The following ZNF521 variants were observed in gnomAD, a reference collection of about 807,000 sequenced individuals.
The protein encoded by ZNF521 is zinc finger protein 521.
A neutral mutation model predicts 105.5 loss-of-function variants in ZNF521; 14 were observed. The ratio of observed to expected loss-of-function variants is 0.13; its 90% CI spans 0.09 to 0.21. The LOEUF is 0.21. Ranked by LOEUF, ZNF521 falls within the 10% of genes least tolerant of loss-of-function variation. The pLI is 1.00. For synonymous variants in ZNF521, 635 were observed against 606.0 expected (o/e 1.05, Z -0.70); for missense variants, 1,233 against 1,629.7 (o/e 0.76, Z 4.19).
rs117660403 is a variant in ZNF521 at position 25,278,380 on chromosome 18, C to T, written c.220+43628G>A. Among the ~76,000 whole-genome samples the T allele has an allele frequency of 6.6e-3, 1,009 of 152,338 alleles. 10 individuals carry two copies. Among genetic ancestry groups the T allele is most frequent in the Middle Eastern group, 0.01 (3 of 294 alleles). ...GATTCAAGTAAAGTTAACCCCCACT[C>T]TCTACCCACTTTTCCCTTTTGGGTC... On this transcript the variant is annotated intron_variant, in intron 3 of 7. Transcript: ENST00000361524.
At chr18:25,074,054 A>ACGCGTGCACG (rs1555631257) in intron 7 of ZNF521, among the ~76,000 whole-genome samples, 1 of 144,822 alleles carries the variant, frequency 6.9e-6, no homozygotes, top group Non-Finnish European at 1.5e-5. Context: ...GTCTGTGCAC[A>ACGCGTGCACG]TGTGTGCGCA....
intron 7 of ZNF521, among the ~76,000 whole-genome samples, chr18:25,069,767 A>G (rs1367505953): frequency 1.3e-5 from 2 of 152,194 alleles, no homozygotes; most frequent in Admixed American, 6.5e-5. Context: ...ATAGCCAGGG[A>G]AGTTGACTCA....
intron 5 of ZNF521, among the ~76,000 whole-genome samples, chr18:25,126,181 T>C (rs1360768415): frequency 6.6e-6 from 1 of 152,066 alleles, no homozygotes; most frequent in Non-Finnish European, 1.5e-5. Context: ...CTCTAACCCC[T>C]AAACAGGTCT....
intron 3 of ZNF521, among the ~76,000 whole-genome samples, chr18:25,305,181 C>G (rs1435370468): frequency 6.6e-6 from 1 of 152,160 alleles, no homozygotes; most frequent in African/African-American, 2.4e-5. Flanking sequence ...TACTGATCAC[C>G]TGAACATCTA....
At chr18:25,108,043 T>A (rs2034108844) in intron 5 of ZNF521, among the ~76,000 whole-genome samples, 1 of 152,220 alleles carries the variant, frequency 6.6e-6, no homozygotes, top group Admixed American at 6.5e-5. Flanking sequence ...GAGCTAGAAT[T>A]TAGAAGTGAG....
intron 5 of ZNF521, among the ~76,000 whole-genome samples, chr18:25,141,165 T>C (rs537292858): frequency 2.0e-5 from 3 of 152,286 alleles, no homozygotes; most frequent in African/African-American, 7.2e-5. Context: ...GAACAATGCT[T>C]TAATGAAATG....
Position 25,324,826 on chromosome 18 carries a change from T to A in ZNF521, c.41-2639A>T, listed in dbSNP as rs202118636. 2.6e-5 allele frequency among the ~76,000 whole-genome samples: 4 copies of A among 152,190 alleles called. No individual in the cohort carries two copies. The East Asian group carries it at 5.8e-4, about 22-fold the overall frequency. ...GAATCCAATATCAAAAATACAAACA[T>A]AGAAGAATGCATGATGGCTTCGCTC... On this transcript the variant is annotated intron_variant, in intron 2 of 7. Transcript: ENST00000361524.
intron 2 of ZNF521, among the ~76,000 whole-genome samples, chr18:25,330,602 T>C (rs950140241): frequency 2.6e-5 from 4 of 152,218 alleles, no homozygotes; most frequent in East Asian, 3.9e-4. Context: ...AGAATAAGTA[T>C]AAAATTAAAC....
intron 5 of ZNF521, among the ~76,000 whole-genome samples, chr18:25,146,417 G>A (rs924953805): frequency 1.3e-5 from 2 of 152,034 alleles, no homozygotes; most frequent in Admixed American, 1.3e-4. Flanking sequence ...GTCCTTTGGG[G>A]CTAGGATATA....
At chr18:25,314,468 G>A (rs1437000851) in intron 3 of ZNF521, among the ~76,000 whole-genome samples, 1 of 152,144 alleles carries the variant, frequency 6.6e-6, no homozygotes, top group African/African-American at 2.4e-5. Flanking sequence ...CTTCCAGGAA[G>A]TTTCATAAGA....
At chr18:25,198,547 G>C (rs1366730020) in intron 4 of ZNF521, among the ~76,000 whole-genome samples, 1 of 151,514 alleles carries the variant, frequency 6.6e-6, no homozygotes, top group Non-Finnish European at 1.5e-5. Context: ...AAACTGCTTT[G>C]ATTTCTTTTA....
intron 3 of ZNF521, among the ~76,000 whole-genome samples, chr18:25,259,723 C>A (rs1001198748): frequency 6.6e-6 from 1 of 152,158 alleles, no homozygotes; most frequent in African/African-American, 2.4e-5. Flanking sequence ...GTATTTCAGA[C>A]TTTATGGAGC....
At chr18:25,329,828 C>G (rs1913453071) in intron 2 of ZNF521, among the ~76,000 whole-genome samples, 1 of 152,072 alleles carries the variant, frequency 6.6e-6, no homozygotes. Context: ...AAAGATCAGA[C>G]CTGGAAGCAA....
At chr18:25,116,565 A>C (rs2034306375) in intron 5 of ZNF521, among the ~76,000 whole-genome samples, 1 of 152,146 alleles carries the variant, frequency 6.6e-6, no homozygotes, top group Admixed American at 6.5e-5. Context: ...ATAAACTCCT[A>C]CTAGAGCAAA....
intron 2 of ZNF521, among the ~76,000 whole-genome samples, chr18:25,339,139 A>T (rs1447293660): frequency 6.6e-6 from 1 of 152,226 alleles, no homozygotes; most frequent in African/African-American, 2.4e-5. Flanking sequence ...TGTGAACTGA[A>T]AGAACACTAT....
intron 7 of ZNF521, among the ~76,000 whole-genome samples, chr18:25,085,644 CAT>C (rs35430945): frequency 0.038 from 4,420 of 117,138 alleles, 152 homozygotes; most frequent in East Asian, 0.18. Flanking sequence ...TATACATCCC[CAT>C]ATATATATGT....
At chr18:25,164,689 A>T (rs1188976588) in intron 5 of ZNF521, among the ~76,000 whole-genome samples, 1 of 152,162 alleles carries the variant, frequency 6.6e-6, no homozygotes, top group Non-Finnish European at 1.5e-5. Context: ...ACTATGTGTG[A>T]AAAAGGAAGG....
At chr18:25,350,320 G>A (rs1260128785) in intron 2 of ZNF521, among the ~76,000 whole-genome samples, 1 of 151,786 alleles carries the variant, frequency 6.6e-6, no homozygotes, top group African/African-American at 2.4e-5. Flanking sequence ...GCCGGGGTCC[G>A]GTGCCCGCGG....
At chr18:25,184,681 A>G (rs569151647) in intron 5 of ZNF521, among the ~76,000 whole-genome samples, 5 of 152,316 alleles carry the variant, frequency 3.3e-5, no homozygotes, top group African/African-American at 9.6e-5. Context: ...CAGTTTTAAA[A>G]GACTTGATAG....
Sources: allele counts gnomAD v4.1 joint callset (sites outside exome capture counted in the v4.1 genomes callset), GRCh38; gene constraint gnomAD v4.1.1; transcripts MANE v1.5; gene names NCBI Gene and HGNC (gene_info 2026-07-23, HGNC 2026-07-21).